PKP4: variants seen among roughly 807,000 people sequenced by gnomAD.
The protein encoded by PKP4 is plakophilin 4.
Under a neutral mutation model 145.1 loss-of-function variants are expected in PKP4, and 90 were observed. That is an observed-to-expected ratio of 0.62 (90% confidence interval 0.52 to 0.74). The LOEUF (loss-of-function observed/expected upper bound fraction) is 0.74. PKP4 is among the 30% of genes least tolerant of loss of function. PKP4 has a pLI of 0.00. For synonymous variants in PKP4, 563 were observed against 577.2 expected (o/e 0.98, Z 0.35); for missense variants, 1,340 against 1,482.7 (o/e 0.90, Z 1.58).
At chr2:158,589,358 T>C (rs1359116158) in intron 3 of PKP4, among the ~76,000 whole-genome samples, 1 of 152,138 alleles carries the variant, frequency 6.6e-6, no homozygotes, top group Non-Finnish European at 1.5e-5. Context: ...GCTTTACCAT[T>C]GGAGTGTCAA....
intron 1 of PKP4, among the ~76,000 whole-genome samples, chr2:158,520,864 T>G (rs2042311719): frequency 6.6e-6 from 1 of 152,212 alleles, no homozygotes; most frequent in South Asian, 2.1e-4. Flanking sequence ...GCACCTTGCT[T>G]CTTTTATTCA....
intron 2 of PKP4, among the ~76,000 whole-genome samples, chr2:158,562,407 A>G (rs894065330): frequency 6.6e-6 from 1 of 152,248 alleles, no homozygotes; most frequent in African/African-American, 2.4e-5. Flanking sequence ...TAGTATATAC[A>G]TAATTTCATT....
At chr2:158,607,966 GA>G (rs1204497027) in intron 4 of PKP4, among the ~76,000 whole-genome samples, 1 of 151,946 alleles carries the variant, frequency 6.6e-6, no homozygotes, top group Non-Finnish European at 1.5e-5. Flanking sequence ...CAAAAAAATA[GA>G]AAAAAACAAT....
Position 158,576,191 on chromosome 2 carries a change from G to A in PKP4, c.133-1080G>A, listed in dbSNP as rs185158719. Among the ~76,000 whole-genome samples the A allele has an allele frequency of 2.5e-3, 385 of 152,266 alleles. 2 individuals are homozygous for A. Among genetic ancestry groups the A allele is most frequent in the African/African-American group, 9.0e-3 (374 of 41,548 alleles). ...AGTACTGTCAAGCAATTACATGTTT[G>A]CCTGATTTCACAGGGAGTTCATATA... On this transcript the variant is annotated intron_variant, in intron 2 of 21. Coordinates refer to ENST00000389759, the MANE Select transcript of PKP4 (RefSeq NM_003628.6).
chr2:158,608,213 AAATT>A (rs1260380737), intron 4 of PKP4, among the ~76,000 whole-genome samples: 2 of 152,218 alleles, frequency 1.3e-5, no homozygotes, highest in African/African-American at 4.8e-5. Flanking sequence ...TAAAATTAAA[AAATT>A]AAGAGAAACC....
chr2:158,532,687 C>T (rs73004820), intron 1 of PKP4, among the ~76,000 whole-genome samples: 6,095 of 152,264 alleles, frequency 0.04, 453 homozygotes, highest in African/African-American at 0.14. Flanking sequence ...CTTTTCAACA[C>T]CACATTCCTA....
intron 1 of PKP4, among the ~76,000 whole-genome samples, chr2:158,501,808 G>GT (rs1273026252): frequency 1.3e-5 from 2 of 152,184 alleles, no homozygotes; most frequent in Non-Finnish European, 2.9e-5. Context: ...CACATCCACA[G>GT]TATCACCATG....
chr2:158,572,589 G>C (rs1320296786), intron 2 of PKP4, among the ~76,000 whole-genome samples: 1 of 152,182 alleles, frequency 6.6e-6, no homozygotes, highest in African/African-American at 2.4e-5. Flanking sequence ...TTTGCCCAAA[G>C]CTAGAACTTG....
chr2:158,460,545 G>C (rs1043568379), intron 1 of PKP4, among the ~76,000 whole-genome samples: 1 of 152,168 alleles, frequency 6.6e-6, no homozygotes, highest in African/African-American at 2.4e-5. Flanking sequence ...CAACCATCAG[G>C]TAAGTCTAGT....
chr2:158,488,413 T>G (rs1033370275), intron 1 of PKP4, among the ~76,000 whole-genome samples: 1 of 152,336 alleles, frequency 6.6e-6, no homozygotes, highest in Middle Eastern at 3.4e-3. Context: ...AATGGTGCCT[T>G]GCTAAATTCC....
chr2:158,668,168 CTTT>C (rs779923239), intron 16 of PKP4, among the ~76,000 whole-genome samples: 23 of 135,826 alleles, frequency 1.7e-4, no homozygotes, highest in Admixed American at 3.7e-4. Flanking sequence ...CAGTGATGAG[CTTT>C]TTTTTTTTTT....
chr2:158,601,902 G>A (rs564318270), intron 3 of PKP4, among the ~76,000 whole-genome samples: 5 of 152,142 alleles, frequency 3.3e-5, no homozygotes, highest in Admixed American at 6.5e-5. Flanking sequence ...CTAAAAGGAC[G>A]GTTCTTCCCC....
At chr2:158,666,649 C>T in intron 16 of PKP4, 86 bp downstream of exon 16, 1 of 1,133,490 alleles carries the variant, frequency 8.8e-7, no homozygotes, top group South Asian at 2.0e-5. Context: ...AAATATATGG[C>T]TTGTAAAATC....
chr2:158,464,592 A>G (rs1559174876), intron 1 of PKP4, among the ~76,000 whole-genome samples: 1 of 152,282 alleles, frequency 6.6e-6, no homozygotes, highest in East Asian at 1.9e-4. Context: ...AGCATTAATT[A>G]TACTACTATT....
At chr2:158,508,805 C>T (rs946610989) in intron 1 of PKP4, among the ~76,000 whole-genome samples, 2 of 152,134 alleles carry the variant, frequency 1.3e-5, no homozygotes, top group Non-Finnish European at 2.9e-5. Flanking sequence ...GGCTGGACAT[C>T]AAAATTTTAT....
chr2:158,620,572 A>G (rs1322689477), intron 4 of PKP4, among the ~76,000 whole-genome samples: 1 of 152,232 alleles, frequency 6.6e-6, no homozygotes, highest in African/African-American at 2.4e-5. Flanking sequence ...CAGAGGCTTC[A>G]TCACCAAGCT....
intron 16 of PKP4, among the ~76,000 whole-genome samples, chr2:158,668,245 C>T (rs191779945): frequency 2.4e-4 from 36 of 151,772 alleles, no homozygotes; most frequent in East Asian, 1.2e-3. Flanking sequence ...TCCCTATTCC[C>T]GTCTTCCTGT....
intron 2 of PKP4, among the ~76,000 whole-genome samples, chr2:158,538,156 C>T (rs1279443349): frequency 1.3e-5 from 2 of 152,170 alleles, no homozygotes; most frequent in Non-Finnish European, 2.9e-5. Flanking sequence ...ATAAGACATT[C>T]GCTGCTTATC....
intron 4 of PKP4, among the ~76,000 whole-genome samples, chr2:158,615,211 A>T (rs946882376): frequency 2.0e-5 from 3 of 152,046 alleles, no homozygotes; most frequent in African/African-American, 7.2e-5. Flanking sequence ...TTTTTTCCCA[A>T]AGAGAATAAA....
Sources: allele counts gnomAD v4.1 joint callset (sites outside exome capture counted in the v4.1 genomes callset), GRCh38; gene constraint gnomAD v4.1.1; transcripts MANE v1.5; gene names NCBI Gene and HGNC (gene_info 2026-07-23, HGNC 2026-07-21).